Variants in SSBP2 observed in about 807,000 individuals in gnomAD.
SSBP2 encodes single-stranded DNA-binding protein 2.
Under a neutral mutation model 61.8 loss-of-function variants are expected in SSBP2, and 17 were observed. The observed-to-expected ratio is 0.28, with a 90% CI of 0.19 to 0.41. SSBP2 has a LOEUF of 0.41. Among genes scored for constraint, SSBP2 ranks in the 10% least tolerant of loss-of-function variants. The pLI is 1.00. For synonymous variants in SSBP2, 139 were observed against 141.3 expected, an observed-to-expected ratio of 0.98 and a Z score of 0.12; for missense variants, 310 against 458.7, an observed-to-expected ratio of 0.68 and a Z score of 2.96.
chr5:81,539,273 T>C (rs1771059377), intron 4 of SSBP2, among the ~76,000 whole-genome samples: 1 of 152,146 alleles, frequency 6.6e-6, no homozygotes. Flanking sequence ...GAATTACAAG[T>C]GGAGCCTGAA....
intron 4 of SSBP2, among the ~76,000 whole-genome samples, chr5:81,527,866 C>T (rs767181064): frequency 2.0e-5 from 3 of 148,580 alleles, no homozygotes; most frequent in Non-Finnish European, 3.0e-5. Context: ...AACAAACCTA[C>T]GCGTTCTACG....
chr5:81,689,629 G>A (rs1753062982), intron 1 of SSBP2, among the ~76,000 whole-genome samples: 1 of 150,164 alleles, frequency 6.7e-6, no homozygotes, highest in African/African-American at 2.4e-5. Context: ...CAAACATGAA[G>A]AAGAAATAAA....
chr5:81,676,751 AATT>A (rs1752017855), intron 1 of SSBP2, among the ~76,000 whole-genome samples: 1 of 152,180 alleles, frequency 6.6e-6, no homozygotes, highest in African/African-American at 2.4e-5. Flanking sequence ...GCAAATAAAT[AATT>A]ATGACTGAGT....
intron 5 of SSBP2, among the ~76,000 whole-genome samples, chr5:81,507,893 T>C (rs1437390291): frequency 6.6e-6 from 1 of 152,174 alleles, no homozygotes; most frequent in African/African-American, 2.4e-5. Context: ...TTTTGTGTTA[T>C]TTAGTGCATT....
intron 1 of SSBP2, among the ~76,000 whole-genome samples, chr5:81,664,895 TTC>T (rs1750982453): frequency 6.6e-6 from 1 of 152,126 alleles, no homozygotes; most frequent in African/African-American, 2.4e-5. Flanking sequence ...TATTTTCGGG[TTC>T]TCTGTTCTGT....
At position 81,418,765 on chromosome 5, in the gene SSBP2, A is replaced by C. The variant is rs2153877640; in HGVS notation, c.*1739T>G. 1 of 152,346 alleles carries C rather than the reference A, an allele frequency of 6.6e-6. No homozygotes were observed. Among genetic ancestry groups the C allele is most frequent in the South Asian group, 2.1e-4 (1 of 4,828 alleles). The allele number at this position is 152,346 out of a possible 1,614,324, so 9.4% of individuals were successfully genotyped here. On this transcript the variant is annotated 3_prime_UTR_variant, in exon 17 of 17. Transcript: ENST00000320672. ...ATCTAAGCATAGAAAAGATATGCTA[A>C]AAATATGGTATTATAATCTTATAGG...
intron 16 of SSBP2, among the ~76,000 whole-genome samples, chr5:81,427,655 G>C (rs1318214918): frequency 6.6e-6 from 1 of 152,200 alleles, no homozygotes; most frequent in African/African-American, 2.4e-5. Context: ...TCTGACTGCA[G>C]TTTGGTAGGT....
chr5:81,592,244 A>G (rs1371053002), intron 4 of SSBP2, among the ~76,000 whole-genome samples: 1 of 152,232 alleles, frequency 6.6e-6, no homozygotes, highest in Non-Finnish European at 1.5e-5. Context: ...TTGCTAGCAC[A>G]GCAGTCCAAG....
chr5:81,459,206 G>A (rs1220420893), intron 10 of SSBP2, among the ~76,000 whole-genome samples: 1 of 152,090 alleles, frequency 6.6e-6, no homozygotes, highest in Non-Finnish European at 1.5e-5. Flanking sequence ...AGTGCCCAGC[G>A]CTATGAAATC....
At chr5:81,543,760 A>C (rs905371827) in intron 4 of SSBP2, among the ~76,000 whole-genome samples, 1 of 152,180 alleles carries the variant, frequency 6.6e-6, no homozygotes, top group African/African-American at 2.4e-5. Context: ...TTCAATAATT[A>C]TTTGCTAAAT....
chr5:81,632,194 CATT>C (rs1427430410), intron 3 of SSBP2, among the ~76,000 whole-genome samples: 1 of 152,182 alleles, frequency 6.6e-6, no homozygotes, highest in Non-Finnish European at 1.5e-5. Context: ...TAGTGTTCAT[CATT>C]ATTAAATGTG....
At chr5:81,434,476 G>T (rs984347421) in intron 15 of SSBP2, among the ~76,000 whole-genome samples, 3 of 151,758 alleles carry the variant, frequency 2.0e-5, no homozygotes, top group East Asian at 3.9e-4. Context: ...TGACAACATG[G>T]AGAAACTCCG....
At chr5:81,455,155 T>C (rs1422289417) in intron 10 of SSBP2, among the ~76,000 whole-genome samples, 2 of 145,832 alleles carry the variant, frequency 1.4e-5, no homozygotes, top group East Asian at 3.9e-4. Flanking sequence ...TATTTCAAAT[T>C]TAACGTTCAA....
At chr5:81,641,542 GT>G (rs1188827014) in intron 2 of SSBP2, among the ~76,000 whole-genome samples, 1 of 152,068 alleles carries the variant, frequency 6.6e-6, no homozygotes, top group Non-Finnish European at 1.5e-5. Context: ...TATGTTTTAG[GT>G]ATGTCCACAG....
intron 1 of SSBP2, among the ~76,000 whole-genome samples, chr5:81,736,656 T>C (rs948966060): frequency 6.6e-6 from 1 of 152,224 alleles, no homozygotes; most frequent in Non-Finnish European, 1.5e-5. Context: ...TCTTGGAATA[T>C]TTATTACTCA....
chr5:81,673,565 A>G (rs1205799627), intron 1 of SSBP2, among the ~76,000 whole-genome samples: 1 of 152,186 alleles, frequency 6.6e-6, no homozygotes, highest in Non-Finnish European at 1.5e-5. Context: ...CAAAAGAGCT[A>G]ATTTTACCTT....
intron 1 of SSBP2, among the ~76,000 whole-genome samples, chr5:81,714,709 G>A (rs927267907): frequency 6.6e-6 from 1 of 152,152 alleles, no homozygotes; most frequent in Non-Finnish European, 1.5e-5. Context: ...TTTGAGAAGT[G>A]TCTGTTCATA....
chr5:81,499,529 T>C (rs1290254467), intron 5 of SSBP2, among the ~76,000 whole-genome samples: 2 of 152,172 alleles, frequency 1.3e-5, no homozygotes, highest in South Asian at 2.1e-4. Flanking sequence ...TCTATAACAA[T>C]TTTAAATAGT....
chr5:81,635,219 CAA>C (rs566779886), intron 3 of SSBP2, among the ~76,000 whole-genome samples: 3 of 133,880 alleles, frequency 2.2e-5, no homozygotes, highest in Non-Finnish European at 3.3e-5. Flanking sequence ...TTCTTCGAGG[CAA>C]AAAAAAAAAA....
Sources: allele counts gnomAD v4.1 joint callset (sites outside exome capture counted in the v4.1 genomes callset), GRCh38; gene constraint gnomAD v4.1.1; transcripts MANE v1.5; gene names NCBI Gene and HGNC (gene_info 2026-07-23, HGNC 2026-07-21).